Variants in AIRIM observed in about 807,000 individuals in gnomAD.
The protein encoded by AIRIM is AFG2-interacting ribosome maturation factor.
At chr1:37,686,549 C>T in the AIRIM span, 30 of 1,262,574 alleles carry the variant, frequency 2.4e-5, no homozygotes, top group Non-Finnish European at 3.3e-5. Context: ...CTACATGATT[C>T]TCTGTTGTGA....
the AIRIM span, chr1:37,690,255 G>A: frequency 7.7e-7 from 1 of 1,291,450 alleles, no homozygotes; most frequent in Non-Finnish European, 1.0e-6. Flanking sequence ...AAAGTGCTGG[G>A]ATTACAGGCG....
chr1:37,690,321 CG>C, the AIRIM span: 1 of 1,290,582 alleles, frequency 7.7e-7, no homozygotes, highest in African/African-American at 1.5e-5. Context: ...GGTTTCCCCT[CG>C]GGAAGGGTAA....
the AIRIM span, chr1:37,689,819 A>T: frequency 6.2e-7 from 1 of 1,607,378 alleles, no homozygotes; most frequent in South Asian, 1.1e-5. Flanking sequence ...CTGCTCCTCC[A>T]CCACGGGGAA....
chr1:37,688,025 C>G, the AIRIM span, among the ~76,000 whole-genome samples: 1 of 151,992 alleles, frequency 6.6e-6, no homozygotes, highest in Non-Finnish European at 1.5e-5. Context: ...CCCAGCTGAT[C>G]TCATCTCTTA....
At chr1:37,686,833 T>A in the AIRIM span, among the ~76,000 whole-genome samples, 6 of 152,090 alleles carry the variant, frequency 3.9e-5, no homozygotes, top group Non-Finnish European at 5.9e-5. Context: ...TTTGGGAGGC[T>A]GAGCGGGGTG....
At chr1:37,689,911 A>G in the AIRIM span, 4 of 1,512,048 alleles carry the variant, frequency 2.6e-6, no homozygotes, top group Non-Finnish European at 2.6e-6. Flanking sequence ...AACAGAAAAT[A>G]ACCACGTTGG....
At chr1:37,683,360 CA>C in the AIRIM span, 3 of 1,614,066 alleles carry the variant, frequency 1.9e-6, no homozygotes, top group Non-Finnish European at 1.7e-6. Context: ...AATTCGGTCC[CA>C]GGCCTTGGGC....
chr1:37,689,556 C>T, the AIRIM span: 3 of 1,519,002 alleles, frequency 2.0e-6, no homozygotes, highest in Non-Finnish European at 1.8e-6. Flanking sequence ...ATATAAAACA[C>T]CTCGTTTTAA....
the AIRIM span, chr1:37,689,525 T>C: frequency 1.4e-6 from 2 of 1,461,184 alleles, no homozygotes; most frequent in Admixed American, 4.7e-5. Flanking sequence ...GAAAAACACC[T>C]TCTGGACTGA....
chr1:37,683,235 G>C, the AIRIM span: 21 of 1,605,592 alleles, frequency 1.3e-5, no homozygotes, highest in Admixed American at 3.3e-5. Context: ...CACAGCAAGG[G>C]CACCTTCCTA....
the AIRIM span, among the ~76,000 whole-genome samples, chr1:37,685,996 T>C: frequency 6.6e-6 from 1 of 152,186 alleles, no homozygotes; most frequent in Non-Finnish European, 1.5e-5. Flanking sequence ...CTCCTCACTT[T>C]CCCTGCTTTA....
At chr1:37,686,139 A>T in the AIRIM span, 1 of 784,292 alleles carries the variant, frequency 1.3e-6, no homozygotes, top group South Asian at 1.9e-5. Context: ...TATACAAAGG[A>T]ATGCAGGAAG....
the AIRIM span, among the ~76,000 whole-genome samples, chr1:37,686,993 T>G: frequency 6.7e-6 from 1 of 148,350 alleles, no homozygotes; most frequent in African/African-American, 2.5e-5. Flanking sequence ...GAGGCAGAGG[T>G]TGCAGTGAGC....
chr1:37,690,015 G>T, the AIRIM span: 7 of 1,244,156 alleles, frequency 5.6e-6, no homozygotes, highest in East Asian at 6.3e-5. Flanking sequence ...CAGAAGCAGG[G>T]TTTTTTTTTT....
At chr1:37,686,460 A>T in the AIRIM span, 5 of 1,611,018 alleles carry the variant, frequency 3.1e-6, no homozygotes, top group Non-Finnish European at 3.4e-6. Context: ...GCTCTGCAAG[A>T]AAGAGTCTGA....
chr1:37,687,386 C>T, the AIRIM span, among the ~76,000 whole-genome samples: 8,856 of 151,690 alleles, frequency 0.058, 365 homozygotes, highest in South Asian at 0.13. Flanking sequence ...CCTACCTCGG[C>T]CTCCCAAAGT....
chr1:37,689,777 C>T, the AIRIM span: 3 of 1,613,274 alleles, frequency 1.9e-6, no homozygotes, highest in Non-Finnish European at 2.5e-6. Flanking sequence ...GAGGGGCTGG[C>T]AGTCCCGCAG....
the AIRIM span, chr1:37,682,706 CAA>C: frequency 1.3e-5 from 2 of 158,018 alleles, no homozygotes; most frequent in African/African-American, 4.8e-5. Flanking sequence ...CAGGTATTGA[CAA>C]AAGACACAAA....
At chr1:37,687,190 C>T in the AIRIM span, among the ~76,000 whole-genome samples, 5 of 151,338 alleles carry the variant, frequency 3.3e-5, no homozygotes, top group African/African-American at 7.3e-5. Context: ...TGCAATGGTG[C>T]GATCTTGGCT....
Sources: allele counts gnomAD v4.1 joint callset (sites outside exome capture counted in the v4.1 genomes callset), GRCh38; gene constraint gnomAD v4.1.1; transcripts MANE v1.5; gene names NCBI Gene and HGNC (gene_info 2026-07-23, HGNC 2026-07-21).